The following ADA variants were observed in gnomAD, a reference collection of about 807,000 sequenced individuals.
The protein encoded by ADA is adenosine deaminase.
ADA carries 45 observed loss-of-function variants against 49.0 expected under a neutral mutation model. The ratio of observed to expected loss-of-function variants is 0.92; its 90% CI spans 0.72 to 1.18. ADA has a LOEUF of 1.18. ADA is among the 50% of genes most tolerant of loss of function. The pLI, the probability that ADA is intolerant of heterozygous loss-of-function variation, is 0.00. For synonymous variants in ADA, 173 were observed against 184.2 expected (o/e 0.94, Z 0.49); for missense variants, 445 against 472.5 (o/e 0.94, Z 0.54).
rs1047577695 is a variant in ADA, at chr20:44,629,188, G to A, written c.96-19C>T. ...TCTCCTCCTGGAAACAAAACAGTGA[G>A]TGGTGGACCAACCCGGGGCAGGATC... On this transcript the variant is annotated intron_variant, in intron 2 of 11. Transcript: ENST00000372874. 6.2e-7 allele frequency: 1 copy of A among 1,614,156 alleles called. No homozygotes were observed. The highest frequency in any genetic ancestry group is 8.5e-7 in the Non-Finnish European group (1 of 1,180,014).
intron 4 of ADA, 61 bp from the exon 5 acceptor site, chr20:44,625,745 TG>T: frequency 7.4e-7 from 1 of 1,353,372 alleles, no homozygotes; most frequent in African/African-American, 1.4e-5. Context: ...AGGGCAGCTC[TG>T]GGACTGGGAC....
At chr20:44,631,078 T>C (rs764385556) in intron 2 of ADA, among the ~76,000 whole-genome samples, 8 of 152,224 alleles carry the variant, frequency 5.3e-5, no homozygotes, top group African/African-American at 1.4e-4. Context: ...AATAGTGTTT[T>C]AGTGTATGTA....
chr20:44,636,169 T>A, intron 2 of ADA, 58 bp downstream of exon 2: 1 of 1,464,698 alleles, frequency 6.8e-7, no homozygotes, highest in Non-Finnish European at 9.5e-7. Context: ...GGCCTCTGGG[T>A]GGAGCTGGGG....
chr20:44,621,213 T>G, intron 9 of ADA, 66 bp from the exon 10 acceptor site: 4 of 1,604,624 alleles, frequency 2.5e-6, no homozygotes, highest in Non-Finnish European at 3.4e-6. Context: ...CAGAACACAT[T>G]GACGTTCACC....
At chr20:44,619,903 T>C in intron 11 of ADA, 56 bp from the exon 12 acceptor site, 3 of 1,612,088 alleles carry the variant, frequency 1.9e-6, no homozygotes, top group Admixed American at 1.7e-5. Flanking sequence ...ACCCAGGATG[T>C]TGTAAAAATC....
chr20:44,641,772 GT>G (rs531940059), intron 1 of ADA, among the ~76,000 whole-genome samples: 5,460 of 143,336 alleles, frequency 0.038, 102 homozygotes, highest in Non-Finnish European at 0.044. Flanking sequence ...TGTTGTTGTT[GT>G]TTTTTTTTTT....
At chr20:44,634,423 G>C (rs1351373005) in intron 2 of ADA, among the ~76,000 whole-genome samples, 2 of 152,222 alleles carry the variant, frequency 1.3e-5, no homozygotes, top group Admixed American at 6.5e-5. Context: ...TAACTGACAG[G>C]GGGTAATGGC....
chr20:44,625,305 A>G (rs560895384), intron 5 of ADA, among the ~76,000 whole-genome samples: 5 of 151,918 alleles, frequency 3.3e-5, no homozygotes, highest in Admixed American at 6.5e-5. Flanking sequence ...TTTTTTCAAT[A>G]GTTACGTTCC....
chr20:44,625,816 A>G, intron 4 of ADA, 132 bp from the exon 5 acceptor site: 1 of 738,678 alleles, frequency 1.4e-6, no homozygotes, highest in East Asian at 2.7e-5. Context: ...ACTGCCTCAG[A>G]GGAAAGACTG....
chr20:44,637,218 C>T (rs1352802802), intron 1 of ADA, among the ~76,000 whole-genome samples: 1 of 152,212 alleles, frequency 6.6e-6, no homozygotes, highest in African/African-American at 2.4e-5. Context: ...TCCTTGGAGG[C>T]AGCCCATCTG....
chr20:44,631,798 T>C (rs2145329982), intron 2 of ADA, among the ~76,000 whole-genome samples: 1 of 152,254 alleles, frequency 6.6e-6, no homozygotes. Flanking sequence ...ACACCACCAC[T>C]GAGGGCCTGT....
intron 1 of ADA, among the ~76,000 whole-genome samples, chr20:44,641,582 T>TG (rs1216217506): frequency 6.6e-6 from 1 of 151,754 alleles, no homozygotes; most frequent in Admixed American, 6.6e-5. Context: ...ATGAGGTTAC[T>TG]GGGAAGGTAG....
intron 6 of ADA, among the ~76,000 whole-genome samples, chr20:44,623,479 A>G (rs980751196): frequency 3.3e-5 from 5 of 152,128 alleles, no homozygotes; most frequent in African/African-American, 1.2e-4. Flanking sequence ...AGGCCCATTC[A>G]TCATCACGCT....
At chr20:44,635,536 G>A (rs1455456872) in intron 2 of ADA, among the ~76,000 whole-genome samples, 1 of 152,204 alleles carries the variant, frequency 6.6e-6, no homozygotes, top group African/African-American at 2.4e-5. Flanking sequence ...AGCTCTAGGA[G>A]ATGCTCAAGA....
At chr20:44,633,659 G>A (rs750145778) in intron 2 of ADA, among the ~76,000 whole-genome samples, 8 of 152,274 alleles carry the variant, frequency 5.3e-5, no homozygotes, top group Admixed American at 1.3e-4. Context: ...GGGAGGGGCA[G>A]TGGTGGCCCA....
rs1042790965 is a variant in ADA, at chr20:44,644,530, C to G, written c.33+7045G>C. ...AGCTCACAGAACCTGAGCACCGTGG[C>G]CAGAACCCAGATGAGCCACAGGTGC... On this transcript the variant is annotated intron_variant, in intron 1 of 11. Coordinates refer to ENST00000372874, the MANE Select transcript of ADA (RefSeq NM_000022.4). Among the ~76,000 whole-genome samples, 11 of 152,296 alleles carry G rather than the reference C, an allele frequency of 7.2e-5. No homozygotes were observed. The South Asian group carries it at 2.3e-3, about 32-fold the overall frequency.
intron 1 of ADA, among the ~76,000 whole-genome samples, chr20:44,639,957 A>G (rs1386688988): frequency 4.6e-5 from 7 of 152,138 alleles, no homozygotes; most frequent in Non-Finnish European, 8.8e-5. Context: ...GAGCCTACAG[A>G]ACTGTGGCCA....
At chr20:44,629,347 C>T (rs2065412091) in intron 2 of ADA, among the ~76,000 whole-genome samples, 178 bp from the exon 3 acceptor site, 1 of 152,170 alleles carries the variant, frequency 6.6e-6, no homozygotes, top group South Asian at 2.1e-4. Context: ...GAACCAGGAC[C>T]GGAATTTTTC....
At chr20:44,651,031 C>A (rs1215031377) in intron 1 of ADA, among the ~76,000 whole-genome samples, 3 of 152,212 alleles carry the variant, frequency 2.0e-5, no homozygotes, top group Non-Finnish European at 4.4e-5. Flanking sequence ...TCCTGTTCTT[C>A]CCGCGCGGGG....
Sources: gnomAD v4.1 joint callset for allele counts (sites outside exome capture counted in the v4.1 genomes callset) on GRCh38, gnomAD v4.1.1 for gene constraint, MANE v1.5 for transcripts, NCBI Gene and HGNC (gene_info 2026-07-23, HGNC 2026-07-21) for gene names.